PSKH1: variants seen among roughly 807,000 people sequenced by gnomAD.
The protein encoded by PSKH1 is protein serine kinase H1.
A neutral mutation model predicts 26.7 loss-of-function variants in PSKH1; 12 were observed. That is an observed-to-expected ratio of 0.45 (90% CI 0.29 to 0.73). The LOEUF is 0.73. Among genes scored for constraint, PSKH1 ranks in the 30% least tolerant of loss-of-function variants. The pLI, the probability that PSKH1 is intolerant of heterozygous loss-of-function variation, is 0.11. For synonymous variants in PSKH1, 213 were observed against 234.3 expected, an observed-to-expected ratio of 0.91 and a Z score of 0.83; for missense variants, 431 against 595.2, an observed-to-expected ratio of 0.72 and a Z score of 2.87.
intron 2 of PSKH1, among the ~76,000 whole-genome samples, chr16:67,913,106 G>T (rs1433745099): frequency 6.6e-6 from 1 of 151,908 alleles, no homozygotes. Context: ...GATCACTTGA[G>T]CCCAGGAGTT....
chr16:67,926,061 G>C (rs948099342), intron 2 of PSKH1, among the ~76,000 whole-genome samples: 1 of 152,116 alleles, frequency 6.6e-6, no homozygotes, highest in Admixed American at 6.5e-5. Context: ...GGTGGTGAAG[G>C]GTACCATGGG....
rs59331656 is a variant in PSKH1 at position 67,920,636 on chromosome 16, A to G, written c.958-6689A>G. ...CTACTGAGGTGGAGGCTGGCTCTCAATTGCATGGCATAGCTGATGGTGACC... is the reference window on the plus strand; with the variant it reads ...CTACTGAGGTGGAGGCTGGCTCTCAGTTGCATGGCATAGCTGATGGTGACC... On this transcript the variant is annotated intron_variant, in intron 2 of 2. Transcript: ENST00000291041. Among the ~76,000 whole-genome samples, 528 of 152,224 alleles carry G rather than the reference A, an allele frequency of 3.5e-3. 5 individuals carry two copies. Among genetic ancestry groups the G allele is most frequent in the African/African-American group, 0.012 (514 of 41,546 alleles).
intron 2 of PSKH1, among the ~76,000 whole-genome samples, chr16:67,911,973 G>C (rs2058174681): frequency 6.6e-6 from 1 of 152,236 alleles, no homozygotes. Context: ...TTGCGTAGGA[G>C]TCAGGCAGGT....
At chr16:67,899,937 C>T (rs970053330) in intron 1 of PSKH1, among the ~76,000 whole-genome samples, 3 of 151,806 alleles carry the variant, frequency 2.0e-5, no homozygotes, top group African/African-American at 4.9e-5. Context: ...GCATGAGCCA[C>T]TGTGCCCTGC....
chr16:67,910,399 G>A (rs866438849), intron 2 of PSKH1, among the ~76,000 whole-genome samples: 2 of 152,226 alleles, frequency 1.3e-5, no homozygotes, highest in Non-Finnish European at 2.9e-5. Flanking sequence ...CCATCTCAGA[G>A]AGCAGCTTCT....
Position 67,908,701 on chromosome 16 carries a change from C to A in PSKH1, c.-49C>A, listed in dbSNP as rs747586391. The A allele has an allele frequency of 4.5e-5, 68 of 1,501,376 alleles. 1 individual carries two copies. The East Asian group carries it at 1.5e-3, about 34-fold the overall frequency. 93.0% of individuals were successfully genotyped at this position (1,501,376 alleles called of 1,614,324 possible). Reference sequence around the variant, plus strand: ...GTAGGTGTAGACGGGGCACTGCCTTCAGAGCAGGTCCTGCCAGCCTCGCTG... The same window carrying A: ...GTAGGTGTAGACGGGGCACTGCCTTAAGAGCAGGTCCTGCCAGCCTCGCTG... On this transcript the variant is annotated 5_prime_UTR_variant, in exon 2 of 3. An upstream open reading frame in the 5' UTR gains an earlier in-frame stop. Transcript: ENST00000291041.
chr16:67,920,501 C>T (rs569577394), intron 2 of PSKH1, among the ~76,000 whole-genome samples: 1 of 152,284 alleles, frequency 6.6e-6, no homozygotes, highest in East Asian at 1.9e-4. Context: ...TCAAGTGATC[C>T]TCCTGCCTCG....
intron 2 of PSKH1, among the ~76,000 whole-genome samples, chr16:67,921,515 A>T (rs992681324): frequency 6.6e-6 from 1 of 151,336 alleles, no homozygotes; most frequent in African/African-American, 2.4e-5. Context: ...GCGGAGTTGC[A>T]GTTAGCTGAG....
chr16:67,909,217 C>G lies in PSKH1; in HGVS notation c.468C>G (p.Ile156Met). The part of the protein sequence containing the change: ...VLRRVRHANI[I>M]QLVEVFETQE... Reference sequence around the variant, plus strand: ...GTCGGGTGCGTCATGCCAACATCATCCAGCTGGTGGAGGTGTTCGAGACAC... The same window carrying G: ...GTCGGGTGCGTCATGCCAACATCATGCAGCTGGTGGAGGTGTTCGAGACAC... Residue 156 changes from isoleucine to methionine, a missense_variant, in exon 2 of 3, where the codon ATC becomes ATG. Coordinates refer to ENST00000291041, the MANE Select transcript of PSKH1 (RefSeq NM_006742.3). The surrounding 1 kb of genome is among the most constrained non-coding windows in gnomAD (Gnocchi z 7.8). The G allele has an allele frequency of 6.2e-7, 1 of 1,614,118 alleles. No homozygotes were observed. Among genetic ancestry groups the G allele is most frequent in the South Asian group, 1.1e-5 (1 of 91,072 alleles).
At chr16:67,902,153 G>C (rs1457883940) in intron 1 of PSKH1, among the ~76,000 whole-genome samples, 1 of 151,908 alleles carries the variant, frequency 6.6e-6, no homozygotes, top group Non-Finnish European at 1.5e-5. Flanking sequence ...CCAGCTACTT[G>C]GGAGGCTGAG....
chr16:67,924,253 C>G (rs2058210408), intron 2 of PSKH1, among the ~76,000 whole-genome samples: 1 of 152,262 alleles, frequency 6.6e-6, no homozygotes, highest in Non-Finnish European at 1.5e-5. Flanking sequence ...GCCAGGCCAG[C>G]CCTCAGACAA....
chr16:67,902,909 GTGT>G (rs1348833403), intron 1 of PSKH1: 1 of 152,118 alleles, frequency 6.6e-6, no homozygotes, highest in Non-Finnish European at 1.5e-5. Flanking sequence ...ACTGCATGAG[GTGT>G]TGTGTTTTCC....
At chr16:67,918,128 T>C (rs991325221) in intron 2 of PSKH1, among the ~76,000 whole-genome samples, 4 of 152,180 alleles carry the variant, frequency 2.6e-5, no homozygotes, top group African/African-American at 9.7e-5. Flanking sequence ...GGTCCTCCAA[T>C]GCAGAGAGTC....
chr16:67,916,183 T>A (rs1279678734), intron 2 of PSKH1, among the ~76,000 whole-genome samples: 1 of 151,852 alleles, frequency 6.6e-6, no homozygotes, highest in Admixed American at 6.6e-5. Context: ...AGAGAGAGAG[T>A]GTTCCATGAT....
intron 1 of PSKH1, among the ~76,000 whole-genome samples, chr16:67,907,824 C>T (rs991039411): frequency 6.6e-6 from 1 of 152,072 alleles, no homozygotes; most frequent in Non-Finnish European, 1.5e-5. Context: ...TGGTTTGTTG[C>T]TTGTTACAGA....
chr16:67,924,456 C>A (rs1038031765), intron 2 of PSKH1, among the ~76,000 whole-genome samples: 2 of 152,224 alleles, frequency 1.3e-5, no homozygotes, highest in African/African-American at 4.8e-5. Flanking sequence ...CACTTAAGAC[C>A]ATAGGGCTGG....
Position 67,929,026 on chromosome 16 carries a change from G to A in PSKH1, c.*1384G>A, listed in dbSNP as rs2058228726. The A allele has an allele frequency of 6.5e-6, 1 of 152,818 alleles. No individual in the cohort carries two copies. The highest frequency in any genetic ancestry group is 1.5e-5 in the Non-Finnish European group (1 of 68,152). 9.5% of individuals were successfully genotyped at this position (152,818 alleles called of 1,614,324 possible). A position where few individuals can be genotyped will look rare whatever the true frequency, so the allele number is the denominator to read the frequency against. ...AAGCTGGAAGGAGCCCCTGCGGGAG[G>A]TGGGTGGGGTTGGGTGGCTGCTTTC... On this transcript the variant is annotated 3_prime_UTR_variant, in exon 3 of 3. Coordinates refer to ENST00000291041, the MANE Select transcript of PSKH1 (RefSeq NM_006742.3).
At chr16:67,907,495 A>G (rs552809353) in intron 1 of PSKH1, among the ~76,000 whole-genome samples, 16 of 151,026 alleles carry the variant, frequency 1.1e-4, no homozygotes, top group Middle Eastern at 3.5e-3. Flanking sequence ...TCCTGACCTC[A>G]GGTGATCTGC....
At chr16:67,912,412 G>C (rs1248841305) in intron 2 of PSKH1, among the ~76,000 whole-genome samples, 1 of 152,196 alleles carries the variant, frequency 6.6e-6, no homozygotes, top group African/African-American at 2.4e-5. Flanking sequence ...AGTGAGAGGA[G>C]CAGGCACAGG....
Sources: allele counts gnomAD v4.1 joint callset (sites outside exome capture counted in the v4.1 genomes callset), GRCh38; gene constraint gnomAD v4.1.1; non-coding constraint Gnocchi (gnomAD v3.1); transcripts MANE v1.5; gene names NCBI Gene and HGNC (gene_info 2026-07-23, HGNC 2026-07-21).